Variants in GNG12 observed in about 807,000 individuals in gnomAD.
The protein encoded by GNG12 is guanine nucleotide-binding protein G(I)/G(S)/G(O) subunit gamma-12.
For missense variants in GNG12, 69 were observed against 83.8 expected (o/e 0.82, Z 0.69); for synonymous variants, 28 against 29.7 (o/e 0.94, Z 0.19).
chr1:67,758,475 T>G (rs908200360), intron 2 of GNG12, among the ~76,000 whole-genome samples: 14 of 152,220 alleles, frequency 9.2e-5, no homozygotes, highest in African/African-American at 3.4e-4. Context: ...CAGACCCCTC[T>G]CTGCTCTTCA....
chr1:67,778,132 A>C (rs963565122), intron 1 of GNG12, among the ~76,000 whole-genome samples: 1 of 150,012 alleles, frequency 6.7e-6, no homozygotes, highest in African/African-American at 2.4e-5. Context: ...TTATAATAAA[A>C]TACATTTAAT....
chr1:67,730,235 T>TA (rs1646411059), intron 2 of GNG12, among the ~76,000 whole-genome samples: 1 of 152,160 alleles, frequency 6.6e-6, no homozygotes, highest in Admixed American at 6.5e-5. Flanking sequence ...TGTGGTGACT[T>TA]ACGCCTGTAA....
rs1250771302 is a variant in GNG12, at chr1:67,727,727, AT to A, written c.-26-20016del. Among the ~76,000 whole-genome samples the A allele has an allele frequency of 2.0e-5, 3 of 152,220 alleles. No individual in the cohort carries two copies. In the East Asian group the frequency reaches 5.8e-4, roughly 29 times the overall value. On this transcript the variant is annotated intron_variant, in intron 2 of 3. Coordinates refer to ENST00000370982, the MANE Select transcript of GNG12 (RefSeq NM_018841.6). The stretch of plus-strand genomic sequence containing the variant: ...TTTCTAATGTGGTAAGCCTGCTATA[AT>A]AATAATGCCATCAAAAGATAGCAAT...
At chr1:67,750,334 C>A (rs927742981) in intron 2 of GNG12, among the ~76,000 whole-genome samples, 4 of 152,212 alleles carry the variant, frequency 2.6e-5, no homozygotes, top group Admixed American at 1.3e-4. Flanking sequence ...TCCTGATTAA[C>A]CACACTTGCC....
At chr1:67,740,688 G>A (rs765737536) in intron 2 of GNG12, among the ~76,000 whole-genome samples, 6 of 152,176 alleles carry the variant, frequency 3.9e-5, no homozygotes, top group Non-Finnish European at 8.8e-5. Flanking sequence ...ATTAGGAGGT[G>A]GTGATTAGAT....
chr1:67,740,379 T>C (rs933573797), intron 2 of GNG12, among the ~76,000 whole-genome samples: 1 of 152,256 alleles, frequency 6.6e-6, no homozygotes, highest in Admixed American at 6.5e-5. Context: ...AGTTGGCTGA[T>C]GATTTTTGTA....
intron 1 of GNG12, among the ~76,000 whole-genome samples, chr1:67,779,885 A>AC (rs1302869738): frequency 6.6e-6 from 1 of 152,166 alleles, no homozygotes; most frequent in African/African-American, 2.4e-5. Context: ...TAGGCTATAA[A>AC]CCTGGACAGC....
intron 2 of GNG12, among the ~76,000 whole-genome samples, chr1:67,720,282 C>T (rs1208349558): frequency 3.9e-5 from 6 of 152,308 alleles, no homozygotes; most frequent in African/African-American, 7.2e-5. Context: ...CTGGTGAAGG[C>T]GGGCCCATGG....
At chr1:67,748,595 G>A (rs1358473315) in intron 2 of GNG12, among the ~76,000 whole-genome samples, 1 of 152,142 alleles carries the variant, frequency 6.6e-6, no homozygotes, top group Non-Finnish European at 1.5e-5. Context: ...CACCCTCTAA[G>A]AGTTCCTGAA....
chr1:67,759,814 C>G (rs958077017), intron 2 of GNG12, among the ~76,000 whole-genome samples: 1 of 152,202 alleles, frequency 6.6e-6, no homozygotes, highest in Non-Finnish European at 1.5e-5. Context: ...CTTCCCTCCA[C>G]TCTGGGTCCC....
At chr1:67,832,248 T>C (rs1211411566) in intron 1 of GNG12, 2 of 152,206 alleles carry the variant, frequency 1.3e-5, no homozygotes, top group Non-Finnish European at 2.9e-5. Context: ...CCCTGACACG[T>C]GGGCGCAGGA....
At chr1:67,830,275 G>T (rs541458417) in intron 1 of GNG12, among the ~76,000 whole-genome samples, 1 of 152,316 alleles carries the variant, frequency 6.6e-6, no homozygotes, top group African/African-American at 2.4e-5. Flanking sequence ...AAAGTGCTGG[G>T]ATTATAGGTG....
chr1:67,707,921 A>T (rs1449670405), intron 2 of GNG12, among the ~76,000 whole-genome samples: 3 of 152,186 alleles, frequency 2.0e-5, no homozygotes, highest in African/African-American at 7.2e-5. Flanking sequence ...ATAAATCTTT[A>T]GTTTGCAGAA....
intron 2 of GNG12, among the ~76,000 whole-genome samples, chr1:67,769,812 A>G (rs1429497562): frequency 6.7e-6 from 1 of 149,566 alleles, no homozygotes; most frequent in Non-Finnish European, 1.5e-5. Context: ...CAAGGCACGC[A>G]CACACACACT....
At position 67,752,368 on chromosome 1, in the gene GNG12, A is replaced by G. The variant is rs1399967307; in HGVS notation, c.-27+25090T>C. ...CTGGTCTGAATGTACCAGGATCACAACAGACATTTTGAAAGTTTACTTTGT... is the reference window on the plus strand; with the variant it reads ...CTGGTCTGAATGTACCAGGATCACAGCAGACATTTTGAAAGTTTACTTTGT... On this transcript the variant is annotated intron_variant, in intron 2 of 3. Coordinates refer to ENST00000370982, the MANE Select transcript of GNG12 (RefSeq NM_018841.6). 2.6e-5 allele frequency among the ~76,000 whole-genome samples: 4 copies of G among 152,220 alleles called. No homozygotes were observed. The East Asian group carries it at 7.7e-4, about 29-fold the overall frequency.
intron 1 of GNG12, among the ~76,000 whole-genome samples, chr1:67,800,995 T>C (rs1488276875): frequency 1.5e-5 from 2 of 132,342 alleles, no homozygotes; most frequent in Non-Finnish European, 3.4e-5. Flanking sequence ...AGGAGACCTT[T>C]TCGTTTGAGC....
At chr1:67,815,767 G>C (rs1008761255) in intron 1 of GNG12, among the ~76,000 whole-genome samples, 2 of 152,104 alleles carry the variant, frequency 1.3e-5, no homozygotes, top group South Asian at 4.1e-4. Context: ...GTGCCCAAAG[G>C]CTTCTCACAG....
At chr1:67,769,683 T>C (rs997975794) in intron 2 of GNG12, among the ~76,000 whole-genome samples, 8 of 152,142 alleles carry the variant, frequency 5.3e-5, no homozygotes, top group Non-Finnish European at 8.8e-5. Flanking sequence ...AGGTCAAAAG[T>C]TTCCCTGTGG....
intron 1 of GNG12, among the ~76,000 whole-genome samples, chr1:67,803,466 A>G (rs1013215779): frequency 2.6e-5 from 4 of 152,146 alleles, no homozygotes; most frequent in Non-Finnish European, 4.4e-5. Flanking sequence ...CGGTAAAAGG[A>G]GTGAGAGAAC....
Sources: gnomAD v4.1 joint callset for allele counts (sites outside exome capture counted in the v4.1 genomes callset) on GRCh38, gnomAD v4.1.1 for gene constraint, MANE v1.5 for transcripts, NCBI Gene and HGNC (gene_info 2026-07-23, HGNC 2026-07-21) for gene names.